The following HSD17B12 variants were observed in gnomAD, a reference collection of about 807,000 sequenced individuals.
HSD17B12 encodes hydroxysteroid 17-beta dehydrogenase 12.
In HSD17B12, 32 loss-of-function variants were observed where a neutral mutation model predicts 39.3. The ratio of observed to expected loss-of-function variants is 0.81; its 90% CI spans 0.61 to 1.09. The LOEUF is 1.09. HSD17B12 is among the 50% of genes least tolerant of loss of function. The probability of loss-of-function intolerance (pLI) is 0.00; values close to 1 mark genes in which losing one functional copy is unlikely to be tolerated. For synonymous variants in HSD17B12, 150 were observed against 146.7 expected (o/e 1.02, Z -0.16); for missense variants, 342 against 382.9 (o/e 0.89, Z 0.89).
At chr11:43,607,070 G>A in the HSD17B12 span, among the ~76,000 whole-genome samples, 36 of 152,180 alleles carry the variant, frequency 2.4e-4, no homozygotes, top group African/African-American at 3.1e-4. Context: ...GCTTAGCTCA[G>A]ATAGGAGTAT....
chr11:43,632,434 G>A, the HSD17B12 span, among the ~76,000 whole-genome samples: 2 of 152,174 alleles, frequency 1.3e-5, no homozygotes, highest in Non-Finnish European at 2.9e-5. Flanking sequence ...TGTGAACTTC[G>A]TTTTAAAAGA....
rs141665996 is a variant in HSD17B12 at position 43,775,138 on chromosome 11, C to T, written c.283+21017C>T. On this transcript the variant is annotated intron_variant, in intron 3 of 10. Coordinates refer to ENST00000278353, the MANE Select transcript of HSD17B12 (RefSeq NM_016142.3). ...GGGAATGGCAGGTGGTCTCTAAGAG[C>T]AGAGGGCCCCAGTCTTACAACTGCA... 6.1e-3 allele frequency among the ~76,000 whole-genome samples: 933 copies of T among 152,250 alleles called. 10 individuals are homozygous for T. The highest frequency in any genetic ancestry group is 0.021 in the African/African-American group (881 of 41,546).
intron 9 of HSD17B12, among the ~76,000 whole-genome samples, chr11:43,848,925 A>T (rs996824135): frequency 1.3e-5 from 2 of 152,200 alleles, no homozygotes; most frequent in Non-Finnish European, 1.5e-5. Context: ...GACATTTTGC[A>T]GTATCTTACT....
chr11:43,578,048 C>A, the HSD17B12 span, among the ~76,000 whole-genome samples: 1 of 152,100 alleles, frequency 6.6e-6, no homozygotes, highest in Non-Finnish European at 1.5e-5. Flanking sequence ...CACGCGCACA[C>A]AAAGACATTC....
chr11:43,788,154 G>A (rs910248558), intron 3 of HSD17B12, among the ~76,000 whole-genome samples: 1 of 152,122 alleles, frequency 6.6e-6, no homozygotes, highest in Admixed American at 6.5e-5. Context: ...TTTCTAACTT[G>A]ATTTGTAGGT....
At chr11:43,678,644 C>T (rs6485444), upstream of HSD17B12, among the ~76,000 whole-genome samples, 148,286 of 152,154 alleles carry the variant, frequency 0.97, 72,375 homozygotes, top group Middle Eastern at 1. Context: ...GTTTCAGCTT[C>T]CTACATATGG....
the HSD17B12 span, among the ~76,000 whole-genome samples, chr11:43,573,896 C>T: frequency 2.6e-5 from 4 of 152,200 alleles, no homozygotes; most frequent in Admixed American, 6.5e-5. Flanking sequence ...ACACTGCCGG[C>T]GTCTCCTGTC....
the HSD17B12 span, among the ~76,000 whole-genome samples, chr11:43,616,685 T>C: frequency 4.0e-5 from 6 of 151,582 alleles, no homozygotes; most frequent in Admixed American, 3.9e-4. Flanking sequence ...AAGTTGGCAT[T>C]TGATCCCAGG....
chr11:43,762,002 A>G (rs1950559190), intron 3 of HSD17B12, among the ~76,000 whole-genome samples: 1 of 152,206 alleles, frequency 6.6e-6, no homozygotes, highest in South Asian at 2.1e-4. Flanking sequence ...GTTGGAAAAT[A>G]CGATCTGGAT....
the HSD17B12 span, among the ~76,000 whole-genome samples, chr11:43,575,674 A>G: frequency 6.6e-6 from 1 of 152,236 alleles, no homozygotes; most frequent in Non-Finnish European, 1.5e-5. The surrounding 1 kb of genome is among the most constrained non-coding windows in gnomAD (Gnocchi z 4.1). Flanking sequence ...GTCTCCGAGC[A>G]GAAGCGTCTT....
At chr11:43,771,564 T>C (rs1950650412) in intron 3 of HSD17B12, among the ~76,000 whole-genome samples, 1 of 145,030 alleles carries the variant, frequency 6.9e-6, no homozygotes, top group Non-Finnish European at 1.5e-5. Context: ...CCTCCCGGGC[T>C]CAAGTGATTC....
rs752571007 is a variant in HSD17B12, at chr11:43,831,702, C to G, written c.536+692C>G. 3 of 152,204 alleles carry G rather than the reference C, an allele frequency of 2.0e-5. No homozygotes were observed. Among genetic ancestry groups the G allele is most frequent in the Non-Finnish European group, 2.9e-5 (2 of 68,036 alleles). 9.4% of individuals were successfully genotyped at this position (152,204 alleles called of 1,614,324 possible). A position where few individuals can be genotyped will look rare whatever the true frequency, so the allele number is the denominator to read the frequency against. ...TGCTAAAAAGATTTGGGCTTGCATC[C>G]TGAGCTAGCTCGATCATTTGCTGAA... On this transcript the variant is annotated intron_variant, in intron 7 of 10. Transcript: ENST00000278353. This position sits in a 1 kb window ranked among gnomAD's most constrained non-coding sequence, Gnocchi z 4.1.
chr11:43,595,449 C>T, the HSD17B12 span, among the ~76,000 whole-genome samples: 1 of 152,248 alleles, frequency 6.6e-6, no homozygotes, highest in African/African-American at 2.4e-5. Context: ...ACCCTCTCCC[C>T]TGCAGAAGTT....
intron 3 of HSD17B12, among the ~76,000 whole-genome samples, chr11:43,770,714 A>G (rs1235647358): frequency 6.6e-6 from 1 of 152,204 alleles, no homozygotes; most frequent in Non-Finnish European, 1.5e-5. Flanking sequence ...CAGCCTGGGT[A>G]ACAGAGTGAG....
chr11:43,825,090 C>T (rs956594345), intron 6 of HSD17B12, among the ~76,000 whole-genome samples: 3 of 151,188 alleles, frequency 2.0e-5, no homozygotes, highest in Non-Finnish European at 4.4e-5. Flanking sequence ...AAGATCGTGC[C>T]ACTGGACTCC....
At chr11:43,778,964 ATAT>A (rs1950738230) in intron 3 of HSD17B12, among the ~76,000 whole-genome samples, 1 of 152,244 alleles carries the variant, frequency 6.6e-6, no homozygotes, top group Non-Finnish European at 1.5e-5. Flanking sequence ...GCATTTTAGA[ATAT>A]GTATTTACTG....
intron 1 of HSD17B12, among the ~76,000 whole-genome samples, chr11:43,684,242 C>T (rs780604203): frequency 1.6e-4 from 24 of 152,100 alleles, no homozygotes; most frequent in Non-Finnish European, 3.4e-4. Flanking sequence ...CATTGTTACC[C>T]GAATACTTCC....
At chr11:43,826,025 A>G (rs1287906020) in intron 6 of HSD17B12, among the ~76,000 whole-genome samples, 3 of 152,070 alleles carry the variant, frequency 2.0e-5, no homozygotes, top group African/African-American at 4.8e-5. Flanking sequence ...TTAGCATACT[A>G]TAGTATGTGA....
At chr11:43,769,974 C>T (rs1325138605) in intron 3 of HSD17B12, among the ~76,000 whole-genome samples, 5 of 152,178 alleles carry the variant, frequency 3.3e-5, no homozygotes, top group Non-Finnish European at 7.3e-5. Flanking sequence ...CTTATTGCTT[C>T]CTTCCAACAA....
Sources: allele counts gnomAD v4.1 joint callset (sites outside exome capture counted in the v4.1 genomes callset), GRCh38; gene constraint gnomAD v4.1.1; non-coding constraint Gnocchi (gnomAD v3.1); transcripts MANE v1.5; gene names NCBI Gene and HGNC (gene_info 2026-07-23, HGNC 2026-07-21).